Variants in LRP2 observed in about 807,000 individuals in gnomAD.
LRP2 encodes low-density lipoprotein receptor-related protein 2.
In LRP2, 172 loss-of-function variants were observed where a neutral mutation model predicts 531.0. The observed-to-expected ratio is 0.32, with a 90% CI of 0.29 to 0.37. LRP2 has a LOEUF of 0.37. Ranked by LOEUF, LRP2 falls within the 10% of genes least tolerant of loss-of-function variation. The probability of loss-of-function intolerance (pLI) is 1.00; values close to 1 mark genes in which losing one functional copy is unlikely to be tolerated. For synonymous variants in LRP2, 1,992 were observed against 2,027.6 expected (o/e 0.98, Z 0.47); for missense variants, 5,167 against 5,868.3 (o/e 0.88, Z 3.90).
chr2:169,287,928 T>C (rs1352772593), intron 9 of LRP2, among the ~76,000 whole-genome samples: 1 of 151,686 alleles, frequency 6.6e-6, no homozygotes, highest in Non-Finnish European at 1.5e-5. Flanking sequence ...AAGCATTTCT[T>C]ACACATTTCA....
rs535661684 is a variant in LRP2 at position 169,241,391 on chromosome 2, G to A, written c.3668-26C>T. The A allele has an allele frequency of 1.9e-4, 303 of 1,613,028 alleles. 3 individuals carry two copies. In the South Asian group the frequency reaches 2.8e-3, roughly 15 times the overall value. ...CTAGAAGGAAAACATGGGGTAAATC[G>A]GCTTGTGAATGTAATTTGTGATCCC... On this transcript the variant is annotated intron_variant, in intron 24 of 78. Transcript: ENST00000649046.
intron 61 of LRP2, among the ~76,000 whole-genome samples, chr2:169,166,845 T>C (rs1275177038): frequency 2.0e-5 from 3 of 152,174 alleles, no homozygotes; most frequent in African/African-American, 7.2e-5. Context: ...ATACATGTGG[T>C]CTTCACATGT....
At chr2:169,154,344 T>C (rs775120154) in intron 66 of LRP2, 116 bp downstream of exon 66, 78 of 934,374 alleles carry the variant, frequency 8.3e-5, no homozygotes, top group Non-Finnish European at 1.2e-4. Context: ...AAGAGTTTCC[T>C]CCTCCACTAA....
chr2:169,266,180 G>C (rs1038796566), intron 16 of LRP2, among the ~76,000 whole-genome samples: 1 of 151,918 alleles, frequency 6.6e-6, no homozygotes, highest in Non-Finnish European at 1.5e-5. Context: ...TAAGGAGAAT[G>C]GGGGGAGGGA....
intron 78 of LRP2, 44 bp downstream of exon 78, chr2:169,128,969 T>G: frequency 6.4e-7 from 1 of 1,562,162 alleles, no homozygotes; most frequent in Non-Finnish European, 8.8e-7. Flanking sequence ...GCAAATAATT[T>G]CTAAGAAAAA....
chr2:169,322,553 C>G (rs1168850114), intron 1 of LRP2, among the ~76,000 whole-genome samples: 1 of 152,280 alleles, frequency 6.6e-6, no homozygotes, highest in African/African-American at 2.4e-5. Context: ...AAGGAATGTA[C>G]AAATTCACTC....
intron 60 of LRP2, 113 bp from the exon 61 acceptor site, chr2:169,168,789 C>T: frequency 8.5e-7 from 1 of 1,172,534 alleles, no homozygotes; most frequent in East Asian, 2.5e-5. Context: ...CTTCTTTATT[C>T]ATCAAGATGT....
At chr2:169,331,288 A>T (rs1690687402) in intron 1 of LRP2, among the ~76,000 whole-genome samples, 1 of 152,250 alleles carries the variant, frequency 6.6e-6, no homozygotes, top group South Asian at 2.1e-4. Context: ...TCCCAACTGC[A>T]TACATTCACA....
intron 1 of LRP2, among the ~76,000 whole-genome samples, chr2:169,361,411 C>G (rs4668137): frequency 0.99 from 139,342 of 141,298 alleles, 68,733 homozygotes; most frequent in Non-Finnish European, 1. Context: ...TCTCCTCTCT[C>G]TCCTCTCTCT....
intron 38 of LRP2, among the ~76,000 whole-genome samples, chr2:169,208,589 T>C (rs1688480482): frequency 6.6e-6 from 1 of 152,138 alleles, no homozygotes; most frequent in African/African-American, 2.4e-5. Flanking sequence ...CCTGAGTAGC[T>C]GGGATTACAG....
At position 169,320,817 on chromosome 2, in the gene LRP2, C is replaced by A. The variant is rs200117237; in HGVS notation, c.147G>T (p.Gly49=). The A allele has an allele frequency of 1.3e-5, 21 of 1,614,154 alleles. 2 individuals carry two copies. The African/African-American group carries it at 2.3e-4, about 17-fold the overall frequency. Residue 49 remains glycine, a synonymous_variant, in exon 2 of 79, where the codon GGG becomes GGT. Transcript: ENST00000649046. ...CCGCGTCATCTGAACAGTCTTTGGT[C>A]CCATCACACCTCCAGTCTGCAGGGA... ...HCIPADWRCD[G]TKDCSDDADE...
At chr2:169,173,834 G>A (rs540316652) in intron 56 of LRP2, 85 bp downstream of exon 56, 2 of 1,574,724 alleles carry the variant, frequency 1.3e-6, no homozygotes, top group Non-Finnish European at 1.7e-6. Context: ...GAAAAAGAAA[G>A]CTCCATGTCC....
At chr2:169,280,015 T>G (rs1683659402) in intron 11 of LRP2, among the ~76,000 whole-genome samples, 1 of 152,206 alleles carries the variant, frequency 6.6e-6, no homozygotes, top group Admixed American at 6.5e-5. Flanking sequence ...AAAAGCAGTG[T>G]GCTTTTTACA....
intron 56 of LRP2, 31 bp downstream of exon 56, chr2:169,173,888 G>A (rs1687089187): frequency 6.2e-7 from 1 of 1,613,524 alleles, no homozygotes; most frequent in Non-Finnish European, 8.5e-7. Flanking sequence ...CCCTGCTCTG[G>A]TCATGCCTTG....
At chr2:169,173,779 T>C in intron 56 of LRP2, 140 bp downstream of exon 56, 1 of 1,149,002 alleles carries the variant, frequency 8.7e-7, no homozygotes, top group Non-Finnish European at 1.3e-6. Flanking sequence ...TGCCTTGCAG[T>C]GCCAGAGTTT....
chr2:169,196,286 T>C (rs1688001858), intron 46 of LRP2, among the ~76,000 whole-genome samples: 1 of 152,244 alleles, frequency 6.6e-6, no homozygotes, highest in South Asian at 2.1e-4. Context: ...ATATGATTTA[T>C]TGACAGGTTT....
chr2:169,347,745 A>G (rs1008347361), intron 1 of LRP2, among the ~76,000 whole-genome samples: 3 of 152,162 alleles, frequency 2.0e-5, no homozygotes, highest in Non-Finnish European at 2.9e-5. Context: ...GATGTGGCCT[A>G]TGTTGAAGGT....
chr2:169,308,387 G>A (rs1377536155), intron 3 of LRP2, among the ~76,000 whole-genome samples: 2 of 151,778 alleles, frequency 1.3e-5, no homozygotes, highest in East Asian at 1.9e-4. Flanking sequence ...CCTACCCCAC[G>A]ACAGGACCCA....
intron 44 of LRP2, among the ~76,000 whole-genome samples, chr2:169,200,768 C>T (rs371363668): frequency 3.4e-4 from 52 of 152,216 alleles, no homozygotes; most frequent in Middle Eastern, 3.4e-3. Context: ...CTAATAAATG[C>T]GGCAGGAACA....
Sources: allele counts gnomAD v4.1 joint callset (sites outside exome capture counted in the v4.1 genomes callset), GRCh38; gene constraint gnomAD v4.1.1; transcripts MANE v1.5; gene names NCBI Gene and HGNC (gene_info 2026-07-23, HGNC 2026-07-21).